BMP1: variants seen among roughly 807,000 people sequenced by gnomAD.
The protein encoded by BMP1 is mammalian tolloid protein.
In BMP1, 63 loss-of-function variants were observed where a neutral mutation model predicts 116.8. The ratio of observed to expected loss-of-function variants is 0.54; its 90% CI spans 0.44 to 0.67. The LOEUF is 0.67. Among genes scored for constraint, BMP1 ranks in the 30% least tolerant of loss-of-function variants. The probability of loss-of-function intolerance (pLI) is 0.00; values close to 1 mark genes in which losing one functional copy is unlikely to be tolerated. For synonymous variants in BMP1, 536 were observed against 533.4 expected, an observed-to-expected ratio of 1.00 and a Z score of -0.07; for missense variants, 1,183 against 1,358.9, an observed-to-expected ratio of 0.87 and a Z score of 2.04.
chr8:22,165,772 T>G (rs1173302942), intron 1 of BMP1, among the ~76,000 whole-genome samples: 1 of 152,160 alleles, frequency 6.6e-6, no homozygotes, highest in Non-Finnish European at 1.5e-5. Flanking sequence ...CCGCTGCCTC[T>G]CATCTTCCCA....
At chr8:22,210,483 C>CAT (rs1829445785) in intron 19 of BMP1, among the ~76,000 whole-genome samples, 1 of 151,596 alleles carries the variant, frequency 6.6e-6, no homozygotes, top group South Asian at 2.1e-4. Flanking sequence ...CACATACACA[C>CAT]ACACTGGCAC....
chr8:22,167,557 G>T (rs557098076), intron 1 of BMP1, among the ~76,000 whole-genome samples: 1 of 152,226 alleles, frequency 6.6e-6, no homozygotes, highest in African/African-American at 2.4e-5. Context: ...GGAAATGGGA[G>T]TGATTTTCAG....
chr8:22,181,187 A>T (rs1245907023), intron 8 of BMP1, among the ~76,000 whole-genome samples: 1 of 151,732 alleles, frequency 6.6e-6, no homozygotes, highest in East Asian at 1.9e-4. Context: ...TCCTCCCTCT[A>T]CCTGTCACCT....
At position 22,206,887 on chromosome 8, in the gene BMP1, G is replaced by T; in HGVS notation, c.2267G>T (p.Gly756Val). Residue 756 changes from glycine (G) to valine (V), a missense_variant, in exon 17 of 20, where the codon GGT (glycine) becomes GTT (valine). By Grantham distance (109) the Gly-to-Val change is moderately radical. This residue lies in a region of BMP1 where 956 missense variants were observed against 1,135.2 expected (regional missense o/e 0.84). Transcript: ENST00000306385. ...GACCACAAGGTGACATCCACCAGTG[G>T]TACCATCACCAGCCCCAACTGGCCT... ...GCDHKVTSTS[G>V]TITSPNWPDK... The T allele has an allele frequency of 6.2e-7, 1 of 1,614,172 alleles. No individual in the cohort carries two copies. The highest frequency in any genetic ancestry group is 1.1e-5 in the South Asian group (1 of 91,078).
chr8:22,183,357 A>C (rs1172325595), intron 8 of BMP1, among the ~76,000 whole-genome samples: 1 of 152,196 alleles, frequency 6.6e-6, no homozygotes, highest in East Asian at 1.9e-4. Context: ...TCAAGGTTGC[A>C]GTAAGCTATG....
At position 22,211,904 on chromosome 8, in the gene BMP1, G is replaced by A. The variant is rs1829469427; in HGVS notation, c.*176G>A. 4 of 929,634 alleles carry A rather than the reference G, an allele frequency of 4.3e-6. No individual in the cohort carries two copies. Among genetic ancestry groups the A allele is most frequent in the Middle Eastern group, 3.4e-4 (1 of 2,922 alleles). 57.6% of individuals were successfully genotyped at this position (929,634 alleles called of 1,614,324 possible). Reference sequence around the variant, plus strand: ...GTGGGGGAACTGGACTCCGGCATAAGCCACTTCCCCACAAACCCCCACCAG... The same window carrying A: ...GTGGGGGAACTGGACTCCGGCATAAACCACTTCCCCACAAACCCCCACCAG... On this transcript the variant is annotated 3_prime_UTR_variant, in exon 20 of 20. Transcript: ENST00000306385.
At chr8:22,176,933 G>A (rs771772229) in intron 4 of BMP1, 28 bp from the exon 5 acceptor site, 3 of 1,491,908 alleles carry the variant, frequency 2.0e-6, no homozygotes, top group East Asian at 5.4e-5. Context: ...GCTCGGGACC[G>A]CCCCCCTGAG....
chr8:22,165,673 A>T, intron 1 of BMP1, 120 bp downstream of exon 1: 29 of 766,138 alleles, frequency 3.8e-5, no homozygotes, highest in Non-Finnish European at 4.7e-5. Context: ...TTGGCAATGC[A>T]GTGGGGAACA....
rs1336395262 is a variant in BMP1, at chr8:22,177,176, G to T, written c.730+37G>T. ...CCCCTCGGTGCGGCCTTGGTGGGCGGCTCCCGCCCCAGCCCCCACCTCCAG... is the reference window on the plus strand; with the variant it reads ...CCCCTCGGTGCGGCCTTGGTGGGCGTCTCCCGCCCCAGCCCCCACCTCCAG... On this transcript the variant is annotated intron_variant, in intron 5 of 19. Coordinates refer to ENST00000306385, the MANE Select transcript of BMP1 (RefSeq NM_006129.5). 6 of 1,536,632 alleles carry T rather than the reference G, an allele frequency of 3.9e-6. No individual in the cohort carries two copies. The Admixed American group carries it at 1.1e-4, about 29-fold the overall frequency.
intron 1 of BMP1, among the ~76,000 whole-genome samples, chr8:22,171,911 G>A (rs540687489): frequency 3.3e-4 from 50 of 152,288 alleles, no homozygotes; most frequent in African/African-American, 1.0e-3. Context: ...AGTGCCTCCC[G>A]CCTGAAAGTG....
In BMP1 at chr8:22,196,620, T is replaced by A. The variant is rs1829099032; in HGVS notation, c.1766-60T>A. ...TCCTTACTGCATCCCAGCCCACATC[T>A]CAGCCCTTCCCCATGGCAGGGGCTC... On this transcript the variant is annotated intron_variant, in intron 13 of 19. Coordinates refer to ENST00000306385, the MANE Select transcript of BMP1 (RefSeq NM_006129.5). 1.9e-6 allele frequency: 3 copies of A among 1,607,686 alleles called. No homozygotes were observed. In the South Asian group the frequency reaches 3.3e-5, roughly 18 times the overall value.
At chr8:22,170,397 G>A (rs1828243331) in intron 1 of BMP1, 1 of 152,328 alleles carries the variant, frequency 6.6e-6, no homozygotes, top group South Asian at 2.1e-4. Context: ...CTCTGTGCTG[G>A]GGGTTCGTGT....
chr8:22,207,265 C>A (rs939587033), intron 17 of BMP1, 38 bp from the exon 18 acceptor site: 2 of 1,592,190 alleles, frequency 1.3e-6, no homozygotes, highest in Middle Eastern at 1.7e-4. Flanking sequence ...TGCCTTCCAG[C>A]CAAATTTTTA....
chr8:22,201,951 A>T, intron 16 of BMP1, 23 bp downstream of exon 16: 1 of 1,599,902 alleles, frequency 6.3e-7, no homozygotes, highest in Non-Finnish European at 8.5e-7. Context: ...TGCCAGGGGC[A>T]TCTGGGCTTG....
At chr8:22,210,468 T>TGTCTCTCTCACACACA (rs1554488550) in intron 19 of BMP1, among the ~76,000 whole-genome samples, 2 of 135,500 alleles carry the variant, frequency 1.5e-5, no homozygotes, top group Non-Finnish European at 3.1e-5. Flanking sequence ...TCTCTCTCTC[T>TGTCTCTCTCACACACA]CACACACATA....
chr8:22,180,595 G>A (rs1022780852), intron 8 of BMP1, 112 bp downstream of exon 8: 45 of 953,118 alleles, frequency 4.7e-5, no homozygotes, highest in South Asian at 3.4e-4. Flanking sequence ...CCTGGCTACC[G>A]TAAATGTATC....
At chr8:22,182,697 G>C (rs1828657697) in intron 8 of BMP1, among the ~76,000 whole-genome samples, 1 of 152,192 alleles carries the variant, frequency 6.6e-6, no homozygotes, top group Admixed American at 6.5e-5. Flanking sequence ...AATGGTCACA[G>C]ACCATCTGTT....
Position 22,171,220 on chromosome 8 carries a change from A to T in BMP1, c.149-2382A>T, listed in dbSNP as rs187527947. The T allele has an allele frequency of 2.0e-5, 3 of 152,310 alleles. No homozygotes were observed. The East Asian group carries it at 5.8e-4, about 29-fold the overall frequency. The allele number at this position is 152,310 out of a possible 1,614,324, so 9.4% of individuals were successfully genotyped here. A position where few individuals can be genotyped will look rare whatever the true frequency, so the allele number is the denominator to read the frequency against. ...GGTCACTTACTGGCTGGTGACCTTG[A>T]GTGAGTTATCGCCCTTCATAGGCTC... On this transcript the variant is annotated intron_variant, in intron 1 of 19. Coordinates refer to ENST00000306385, the MANE Select transcript of BMP1 (RefSeq NM_006129.5).
In BMP1 at chr8:22,177,928, C is replaced by T; in HGVS notation, c.807C>T (p.Ile269=). 1 of 1,613,330 alleles carries T rather than the reference C, an allele frequency of 6.2e-7. No homozygotes were observed. Among genetic ancestry groups the T allele is most frequent in the Admixed American group, 1.7e-5 (1 of 59,978 alleles). ...GGGAGACCTATGACTTCGACAGCAT[C>T]ATGCATTACGCTCGGAACACATTCT... ...SLGETYDFDS[I]MHYARNTFSR... The change falls in exon 6 of 20, where the codon ATC becomes ATT. Residue 269 remains isoleucine, a synonymous_variant. Transcript: ENST00000306385.
Sources: allele counts gnomAD v4.1 joint callset (sites outside exome capture counted in the v4.1 genomes callset), GRCh38; gene constraint gnomAD v4.1.1; regional missense constraint gnomAD v4.1.1; transcripts MANE v1.5; gene names NCBI Gene and HGNC (gene_info 2026-07-23, HGNC 2026-07-21).